The following SFMBT2 variants were observed in gnomAD, a reference collection of about 807,000 sequenced individuals.
SFMBT2 encodes the protein scm-like with four MBT domains protein 2.
Under a neutral mutation model 110.1 loss-of-function variants are expected in SFMBT2, and 38 were observed. That is an observed-to-expected ratio of 0.35 (90% CI 0.27 to 0.45). The LOEUF is 0.45. Among genes scored for constraint, SFMBT2 ranks in the 20% least tolerant of loss-of-function variants. The pLI, the probability that SFMBT2 is intolerant of heterozygous loss-of-function variation, is 1.00. For synonymous variants in SFMBT2, 425 were observed against 425.4 expected (o/e 1.00, Z 0.01); for missense variants, 1,011 against 1,094.9 (o/e 0.92, Z 1.08).
intron 14 of SFMBT2, among the ~76,000 whole-genome samples, chr10:7,199,359 C>T (rs1838879058): frequency 6.6e-6 from 1 of 152,116 alleles, no homozygotes; most frequent in Non-Finnish European, 1.5e-5. Flanking sequence ...CTGACTCTAC[C>T]CAAGCTCCAA....
chr10:7,176,526 T>C, intron 16 of SFMBT2: 1 of 985,340 alleles, frequency 1.0e-6, no homozygotes. Context: ...ATTTTCCTGT[T>C]GCTATCATAT....
intron 4 of SFMBT2, among the ~76,000 whole-genome samples, chr10:7,358,678 T>TTGGCCTTGGAATGGAGGCATGG (rs1564456905): frequency 3.3e-4 from 33 of 98,816 alleles, no homozygotes; most frequent in African/African-American, 1.5e-3. Flanking sequence ...GAACATCTAC[T>TTGGCCTTGGAATGGAGGCATGG]TGGCCCTGGA....
At chr10:7,376,727 CAAAAAAAAAAAAAA>C (rs35816107) in intron 2 of SFMBT2, among the ~76,000 whole-genome samples, 490 of 44,746 alleles carry the variant, frequency 0.011, 10 homozygotes, top group African/African-American at 0.035. Flanking sequence ...GGCCCTCCCA[CAAAAAAAAAAAAAA>C]AAAAAAAAAA....
intron 1 of SFMBT2, among the ~76,000 whole-genome samples, chr10:7,394,444 C>G (rs1845866053): frequency 6.6e-6 from 1 of 151,686 alleles, no homozygotes; most frequent in Non-Finnish European, 1.5e-5. Context: ...CTCTGGGGAA[C>G]ACGCCACTTC....
At position 7,408,313 on chromosome 10, in the gene SFMBT2, G is replaced by A. The variant is rs1379512768; in HGVS notation, c.-52+2548C>T. On this transcript the variant is annotated intron_variant, in intron 1 of 20. Transcript: ENST00000397167. The surrounding 1 kb of genome is among the most constrained non-coding windows in gnomAD (Gnocchi z 5.7). ...CGCCATCGTTCAGCCTCGCTGCCCA[G>A]GTGGGAGGGGTCACCTGCCGCGGGG... Among the ~76,000 whole-genome samples, 2 of 152,192 alleles carry A rather than the reference G, an allele frequency of 1.3e-5. No individual in the cohort carries two copies. Among genetic ancestry groups the A allele is most frequent in the African/African-American group, 4.8e-5 (2 of 41,452 alleles).
chr10:7,327,179 C>G (rs1843413375), intron 4 of SFMBT2, among the ~76,000 whole-genome samples: 1 of 150,306 alleles, frequency 6.7e-6, no homozygotes, highest in East Asian at 2.0e-4. Context: ...TCTCTCGTAT[C>G]CACAACAACA....
At position 7,381,832 on chromosome 10, in the gene SFMBT2, C is replaced by T. The variant is rs750478142; in HGVS notation, c.67G>A (p.Gly23Ser). The change falls in exon 2 of 21, where the codon GGC becomes AGC. Residue 23 changes from glycine (G) to serine (S), a missense_variant. Transcript: ENST00000397167. ...AGGTCTCCATTTCCATTAGCTGAGCCGAGACACTTTTCCAAGGGTGAAGAT... is the reference window on the plus strand; with the variant it reads ...AGGTCTCCATTTCCATTAGCTGAGCTGAGACACTTTTCCAAGGGTGAAGAT... ...PSSSPLEKCL[G>S]SANGNGDLDS... The T allele has an allele frequency of 2.9e-5, 47 of 1,613,376 alleles. No homozygotes were observed. Among genetic ancestry groups the T allele is most frequent in the East Asian group, 4.5e-5 (2 of 44,864 alleles).
At chr10:7,267,773 A>G (rs1977427) in intron 7 of SFMBT2, among the ~76,000 whole-genome samples, 113,782 of 152,070 alleles carry the variant, frequency 0.75, 42,953 homozygotes, top group East Asian at 0.92. Context: ...AGAACACAAA[A>G]AAGTTCCAAC....
intron 9 of SFMBT2, among the ~76,000 whole-genome samples, chr10:7,234,682 C>A (rs990209407): frequency 2.6e-5 from 4 of 152,032 alleles, no homozygotes; most frequent in African/African-American, 9.7e-5. Flanking sequence ...AGTAGCCGGG[C>A]GGGACGATCT....
chr10:7,168,491 G>A (rs560064986), intron 20 of SFMBT2, among the ~76,000 whole-genome samples: 2 of 152,318 alleles, frequency 1.3e-5, no homozygotes, highest in East Asian at 3.9e-4. Context: ...AAGGCACCTC[G>A]CAGGGACTGA....
intron 1 of SFMBT2, among the ~76,000 whole-genome samples, chr10:7,382,672 C>G (rs1845458999): frequency 6.6e-6 from 1 of 152,162 alleles, no homozygotes. Flanking sequence ...CGCGCAGGTA[C>G]TGCAACACGC....
chr10:7,371,880 C>A (rs1041391296), intron 2 of SFMBT2, among the ~76,000 whole-genome samples: 2 of 149,614 alleles, frequency 1.3e-5, no homozygotes, highest in Admixed American at 6.7e-5. Context: ...AATAAGAATG[C>A]CTTCTTCTGG....
At chr10:7,326,872 G>A (rs575912443) in intron 4 of SFMBT2, among the ~76,000 whole-genome samples, 13 of 152,164 alleles carry the variant, frequency 8.5e-5, no homozygotes, top group East Asian at 1.9e-4. Flanking sequence ...TCTTAAAACC[G>A]AACTAGATTC....
At chr10:7,189,084 A>G (rs1169161249) in intron 15 of SFMBT2, 2 of 848,280 alleles carry the variant, frequency 2.4e-6, no homozygotes, top group Non-Finnish European at 2.8e-6. Flanking sequence ...CTTCAGTTGG[A>G]TAGGCTACTG....
At chr10:7,165,426 A>T (rs1473401410) in intron 20 of SFMBT2, among the ~76,000 whole-genome samples, 1 of 152,250 alleles carries the variant, frequency 6.6e-6, no homozygotes, top group Non-Finnish European at 1.5e-5. Flanking sequence ...TGAGCAGACT[A>T]ATCTTCTAAG....
At chr10:7,164,448 C>G (rs1277283212) in intron 20 of SFMBT2, 9 of 985,048 alleles carry the variant, frequency 9.1e-6, no homozygotes, top group Non-Finnish European at 9.6e-6. Context: ...TCTGGCTACT[C>G]TGAAACTCAC....
intron 20 of SFMBT2, among the ~76,000 whole-genome samples, chr10:7,166,401 C>T (rs1490238290): frequency 3.9e-5 from 6 of 152,218 alleles, no homozygotes; most frequent in African/African-American, 1.2e-4. Context: ...CGAAAATATT[C>T]GTGTAACTCT....
chr10:7,184,100 A>G (rs1838325035), intron 16 of SFMBT2, among the ~76,000 whole-genome samples: 1 of 152,186 alleles, frequency 6.6e-6, no homozygotes, highest in South Asian at 2.1e-4. Context: ...ATTTCTTTCC[A>G]CGTCCAAGTG....
chr10:7,262,774 T>C lies in SFMBT2; in HGVS notation c.870+14118A>G, dbSNP rs140537365. Among the ~76,000 whole-genome samples the C allele has an allele frequency of 6.2e-3, 951 of 152,314 alleles. 7 individuals are homozygous for C. The highest frequency in any genetic ancestry group is 1.0e-2 in the Non-Finnish European group (679 of 68,024). On this transcript the variant is annotated intron_variant, in intron 7 of 20. Coordinates refer to ENST00000397167, the MANE Select transcript of SFMBT2 (RefSeq NM_001387889.1). ...AGTTACATTTATTGTTTGACCAATG[T>C]TGCCCTCTTTAGTGTGTCTCTTATA...
Sources: allele counts gnomAD v4.1 joint callset (sites outside exome capture counted in the v4.1 genomes callset), GRCh38; gene constraint gnomAD v4.1.1; non-coding constraint Gnocchi (gnomAD v3.1); transcripts MANE v1.5; gene names NCBI Gene and HGNC (gene_info 2026-07-23, HGNC 2026-07-21).